The following GALNT8 variants were observed in gnomAD, a reference collection of about 807,000 sequenced individuals.
GALNT8 encodes polypeptide N-acetylgalactosaminyltransferase 8, also known as probable polypeptide N-acetylgalactosaminyltransferase 8.
GALNT8 carries 66 observed loss-of-function variants against 62.7 expected under a neutral mutation model. The ratio of observed to expected loss-of-function variants is 1.05; its 90% CI spans 0.86 to 1.29. GALNT8 has a LOEUF of 1.29. GALNT8 is among the 50% of genes most tolerant of loss of function. GALNT8 has a pLI of 0.00. For missense variants in GALNT8, 771 were observed against 791.8 expected, an observed-to-expected ratio of 0.97 and a Z score of 0.32; for synonymous variants, 288 against 294.3, an observed-to-expected ratio of 0.98 and a Z score of 0.22.
chr12:4,723,056 C>G (rs1397330996), intron 1 of GALNT8, among the ~76,000 whole-genome samples: 1 of 152,142 alleles, frequency 6.6e-6, no homozygotes, highest in Non-Finnish European at 1.5e-5. Flanking sequence ...ACCCATAGCA[C>G]CTTCCACGTC....
intron 10 of GALNT8, among the ~76,000 whole-genome samples, chr12:4,771,315 G>A (rs1215069863): frequency 6.6e-6 from 1 of 152,074 alleles, no homozygotes; most frequent in Non-Finnish European, 1.5e-5. Flanking sequence ...CAGTGGTGGA[G>A]GAGAAGTTCC....
intron 1 of GALNT8, among the ~76,000 whole-genome samples, chr12:4,723,424 T>A (rs1946180029): frequency 6.6e-6 from 1 of 152,036 alleles, no homozygotes; most frequent in Admixed American, 6.5e-5. Context: ...CCACCCTCAC[T>A]ATTTGGCAGA....
intron 2 of GALNT8, among the ~76,000 whole-genome samples, chr12:4,729,171 A>G (rs148760789): frequency 0.012 from 1,856 of 152,262 alleles, 41 homozygotes; most frequent in African/African-American, 0.043. Flanking sequence ...GCAAAATTGT[A>G]TATCTTATCA....
rs1386525357 is a variant in GALNT8 at position 4,763,302 on chromosome 12, A to G, written c.1409A>G (p.Glu470Gly). 1 of 1,611,898 alleles carries G rather than the reference A, an allele frequency of 6.2e-7. No homozygotes were observed. Among genetic ancestry groups the G allele is most frequent in the East Asian group, 2.2e-5 (1 of 44,880 alleles). ...GDVSSRMALR[E>G]KLKCKTFDWY... is the part of the protein sequence containing the mutation. ...GTTTCTTCCAGAATGGCACTCCGGG[A>G]AAAACTGAAATGTAAAACTTTTGAC... Residue 470 changes from glutamate to glycine, a missense_variant, in exon 8 of 11, where the codon GAA becomes GGA. Glu to Gly is a moderately conservative substitution (Grantham distance 98, BLOSUM62 -2). Transcript: ENST00000252318.
At chr12:4,744,208 C>T (rs1193258398) in intron 3 of GALNT8, among the ~76,000 whole-genome samples, 1 of 152,196 alleles carries the variant, frequency 6.6e-6, no homozygotes, top group Non-Finnish European at 1.5e-5. Flanking sequence ...TCTGTCCACT[C>T]ATTCTCTCAA....
intron 6 of GALNT8, among the ~76,000 whole-genome samples, chr12:4,760,180 G>C (rs1015858367): frequency 2.6e-5 from 4 of 152,146 alleles, no homozygotes; most frequent in Non-Finnish European, 5.9e-5. Flanking sequence ...TTCTCATCTG[G>C]GCTCCACTGG....
chr12:4,722,876 T>G (rs1946177265), intron 1 of GALNT8, among the ~76,000 whole-genome samples: 1 of 143,258 alleles, frequency 7.0e-6, no homozygotes, highest in African/African-American at 2.6e-5. Flanking sequence ...GCGAGGAGAG[T>G]GAGAAGGGAG....
chr12:4,738,111 T>A (rs1591566849), intron 2 of GALNT8, among the ~76,000 whole-genome samples: 1 of 152,184 alleles, frequency 6.6e-6, no homozygotes, highest in South Asian at 2.1e-4. Flanking sequence ...GGGGAAAATA[T>A]TTACACTTAA....
intron 8 of GALNT8, 145 bp downstream of exon 8, chr12:4,763,535 T>C (rs1565389862): frequency 2.1e-5 from 14 of 681,478 alleles, no homozygotes; most frequent in Non-Finnish European, 2.8e-5. Flanking sequence ...ACCCTCTCAG[T>C]TTCCTTTTGT....
At chr12:4,721,420 G>A (rs2137514263) in intron 1 of GALNT8, among the ~76,000 whole-genome samples, 1 of 152,252 alleles carries the variant, frequency 6.6e-6, no homozygotes, top group Middle Eastern at 3.4e-3. Context: ...TCATTCTTGG[G>A]TGTTTCTCGG....
At chr12:4,771,152 C>T (rs1338339510) in intron 10 of GALNT8, among the ~76,000 whole-genome samples, 1 of 152,188 alleles carries the variant, frequency 6.6e-6, no homozygotes, top group Non-Finnish European at 1.5e-5. Flanking sequence ...ACAGACGAAG[C>T]ATGCTGAGGA....
At chr12:4,721,189 G>T (rs1248103793) in intron 1 of GALNT8, among the ~76,000 whole-genome samples, 1 of 152,050 alleles carries the variant, frequency 6.6e-6, no homozygotes, top group Non-Finnish European at 1.5e-5. Context: ...GCAACGAGAA[G>T]AATAAGAATC....
In GALNT8 at chr12:4,764,056, C is replaced by T. The variant is rs754786923; in HGVS notation, c.1593+9C>T. The stretch of plus-strand genomic sequence containing the variant: ...ATGAATTCAGCTCACAGGTATCTTC[C>T]ACAATCTTCCTGGCCCTGCCTGGGC... On this transcript the variant is annotated intron_variant, in intron 9 of 10. Coordinates refer to ENST00000252318, the MANE Select transcript of GALNT8 (RefSeq NM_017417.2). 8 of 1,453,368 alleles carry T rather than the reference C, an allele frequency of 5.5e-6. No homozygotes were observed. The highest frequency in any genetic ancestry group is 4.5e-5 in the South Asian group (4 of 88,150). The allele number at this position is 1,453,368 out of a possible 1,614,324, so 90.0% of individuals were successfully genotyped here. A position where few individuals can be genotyped will look rare whatever the true frequency, so the allele number is the denominator to read the frequency against.
chr12:4,757,630 A>T (rs1041186235), intron 6 of GALNT8, among the ~76,000 whole-genome samples: 1 of 152,188 alleles, frequency 6.6e-6, no homozygotes, highest in Non-Finnish European at 1.5e-5. Flanking sequence ...AAAGTTGTGT[A>T]TATTATTTCT....
chr12:4,720,610 T>G lies in GALNT8; in HGVS notation c.-68T>G. ...TTTCCCACAAAAGCTAGGCTGGTTCTGATTCTTAACCTGCTCCAGCAGTGA... is the reference window on the plus strand; with the variant it reads ...TTTCCCACAAAAGCTAGGCTGGTTCGGATTCTTAACCTGCTCCAGCAGTGA... On this transcript the variant is annotated 5_prime_UTR_variant, in exon 1 of 11. The change abolishes the stop of an existing upstream ORF in the 5' untranslated region. Coordinates refer to ENST00000252318, the MANE Select transcript of GALNT8 (RefSeq NM_017417.2). 6 of 1,038,998 alleles carry G rather than the reference T, an allele frequency of 5.8e-6. No individual in the cohort carries two copies. The highest frequency in any genetic ancestry group is 9.1e-6 in the Non-Finnish European group (6 of 656,766). 64.4% of individuals were successfully genotyped at this position (1,038,998 alleles called of 1,614,324 possible). A position where few individuals can be genotyped will look rare whatever the true frequency, so the allele number is the denominator to read the frequency against.
intron 3 of GALNT8, among the ~76,000 whole-genome samples, chr12:4,739,818 C>T (rs867094206): frequency 6.6e-6 from 1 of 151,946 alleles, no homozygotes; most frequent in Non-Finnish European, 1.5e-5. Context: ...GCACCTACCA[C>T]CTCACCCAGC....
At chr12:4,739,980 T>G (rs1946264535) in intron 3 of GALNT8, among the ~76,000 whole-genome samples, 2 of 152,116 alleles carry the variant, frequency 1.3e-5, no homozygotes, top group Non-Finnish European at 2.9e-5. Flanking sequence ...TGTGCCCCTC[T>G]TATGCACCAT....
intron 6 of GALNT8, among the ~76,000 whole-genome samples, chr12:4,747,697 T>G (rs1946306261): frequency 6.6e-6 from 1 of 152,220 alleles, no homozygotes; most frequent in Non-Finnish European, 1.5e-5. Flanking sequence ...GATATCTCTT[T>G]GATTTACTGA....
intron 8 of GALNT8, 56 bp downstream of exon 8, chr12:4,763,446 GCGGCCTGAATCT>G (rs1162053410): frequency 2.1e-6 from 3 of 1,449,502 alleles, no homozygotes; most frequent in Non-Finnish European, 1.9e-6. Context: ...GAAAGACAAT[GCGGCCTGAATCT>G]CGTGATTGCC....
Sources: gnomAD v4.1 joint callset for allele counts (sites outside exome capture counted in the v4.1 genomes callset) on GRCh38, gnomAD v4.1.1 for gene constraint, MANE v1.5 for transcripts, NCBI Gene and HGNC (gene_info 2026-07-23, HGNC 2026-07-21) for gene names.